LTBP1: variants seen among roughly 807,000 people sequenced by gnomAD.
LTBP1 encodes latent transforming growth factor beta binding protein 1.
LTBP1 carries 129 observed loss-of-function variants against 207.6 expected under a neutral mutation model. The observed-to-expected ratio is 0.62, with a 90% CI of 0.54 to 0.72. LTBP1 has a LOEUF of 0.72. Among genes scored for constraint, LTBP1 ranks in the 30% least tolerant of loss-of-function variants. The pLI, the probability that LTBP1 is intolerant of heterozygous loss-of-function variation, is 0.00. For synonymous variants in LTBP1, 963 were observed against 833.7 expected (o/e 1.16, Z -2.67); for missense variants, 2,281 against 2,217.2 (o/e 1.03, Z -0.58).
rs547518614 is a variant in LTBP1, at chr2:32,987,531, TTTCCCTGC to T, written c.566-33377_566-33370del. 4.7e-4 allele frequency among the ~76,000 whole-genome samples: 71 copies of T among 152,258 alleles called. No individual in the cohort carries two copies. In the East Asian group the frequency reaches 0.013, roughly 27 times the overall value. ...GGAGGTAGAAGTAGCTCTGGAGCCA[TTTCCCTGC>T]CACCCACTTTGTGATCTTGGGCAAT... is the stretch of plus-strand genomic sequence containing the variant. On this transcript the variant is annotated intron_variant, in intron 2 of 33. Transcript: ENST00000404816.
At chr2:33,330,859 T>A (rs2094485525) in intron 24 of LTBP1, among the ~76,000 whole-genome samples, 1 of 151,464 alleles carries the variant, frequency 6.6e-6, no homozygotes, top group Non-Finnish European at 1.5e-5. Context: ...GGTAAAGTCA[T>A]TTGTGCCTGG....
chr2:33,174,406 A>G (rs553159277), intron 5 of LTBP1, among the ~76,000 whole-genome samples: 18 of 152,336 alleles, frequency 1.2e-4, no homozygotes, highest in African/African-American at 3.8e-4. Flanking sequence ...CCCATTCACA[A>G]TTGCTTCCAA....
intron 11 of LTBP1, among the ~76,000 whole-genome samples, chr2:33,253,920 C>T (rs1018200181): frequency 9.9e-5 from 12 of 121,248 alleles, no homozygotes; most frequent in South Asian, 5.6e-4. Flanking sequence ...GATGGAGTCT[C>T]GCTTTGTTGC....
chr2:33,188,633 G>T lies in LTBP1; in HGVS notation c.1483G>T (p.Val495Phe). 1 of 1,613,856 alleles carries T rather than the reference G, an allele frequency of 6.2e-7. No homozygotes were observed. The highest frequency in any genetic ancestry group is 8.5e-7 in the Non-Finnish European group (1 of 1,179,990). The change falls in exon 7 of 34, where the codon GTC (valine) becomes TTC (phenylalanine). Residue 495 changes from valine (V) to phenylalanine (F), a missense_variant. By Grantham distance (50) the Val-to-Phe change is conservative. This residue lies in a region of LTBP1 where 1,671 missense variants were observed against 1,634.8 expected (regional missense o/e 1.02). Coordinates refer to ENST00000404816, the MANE Select transcript of LTBP1 (RefSeq NM_206943.4). Reference sequence around the variant, plus strand: ...TGTGAAACATCCTCCTGAAGCTTCCGTCCAGATACATCAGGTTTCAAGAAT... The same window carrying T: ...TGTGAAACATCCTCCTGAAGCTTCCTTCCAGATACATCAGGTTTCAAGAAT... ...IHVKHPPEAS[V>F]QIHQVSRIDG...
At chr2:32,964,787 A>G (rs1255256317) in intron 2 of LTBP1, among the ~76,000 whole-genome samples, 2 of 152,210 alleles carry the variant, frequency 1.3e-5, no homozygotes, top group Admixed American at 1.3e-4. Flanking sequence ...CAATACTTAA[A>G]AAACTAGCAC....
intron 13 of LTBP1, among the ~76,000 whole-genome samples, chr2:33,261,950 T>G (rs1210382487): frequency 1.3e-5 from 2 of 152,200 alleles, no homozygotes; most frequent in Non-Finnish European, 2.9e-5. Flanking sequence ...TGTAGTGATA[T>G]GAGCTCCCTG....
intron 10 of LTBP1, among the ~76,000 whole-genome samples, chr2:33,246,479 GCACACA>G (rs145652084): frequency 4.8e-5 from 7 of 147,214 alleles, no homozygotes; most frequent in African/African-American, 1.8e-4. Context: ...ACACGCACAC[GCACACA>G]CACACACACA....
At chr2:33,116,806 A>G (rs1469668566) in intron 4 of LTBP1, among the ~76,000 whole-genome samples, 4 of 152,142 alleles carry the variant, frequency 2.6e-5, no homozygotes, top group African/African-American at 9.7e-5. Context: ...AAGGAAAGGA[A>G]AAGTGAGGTC....
chr2:33,044,856 A>T (rs1354790787), intron 3 of LTBP1, among the ~76,000 whole-genome samples: 1 of 152,104 alleles, frequency 6.6e-6, no homozygotes, highest in Non-Finnish European at 1.5e-5. Flanking sequence ...CATTTCTCTA[A>T]TGGCCAGTGA....
intron 3 of LTBP1, among the ~76,000 whole-genome samples, chr2:33,070,089 C>T (rs2077714842): frequency 6.6e-6 from 1 of 152,234 alleles, no homozygotes; most frequent in South Asian, 2.1e-4. Context: ...CACATTCTCT[C>T]TGCCGGAAAC....
At chr2:33,017,081 C>G (rs1688485406) in intron 2 of LTBP1, among the ~76,000 whole-genome samples, 1 of 152,036 alleles carries the variant, frequency 6.6e-6, no homozygotes, top group African/African-American at 2.4e-5. Context: ...CCACATAGTC[C>G]AACACCTTAG....
intron 17 of LTBP1, among the ~76,000 whole-genome samples, chr2:33,275,391 A>C (rs2093404165): frequency 6.6e-6 from 1 of 152,212 alleles, no homozygotes; most frequent in African/African-American, 2.4e-5. Context: ...GGGAAAGTAG[A>C]AATCAGTTAC....
chr2:33,002,578 T>G (rs1188651286), intron 2 of LTBP1, among the ~76,000 whole-genome samples: 1 of 152,128 alleles, frequency 6.6e-6, no homozygotes, highest in Admixed American at 6.5e-5. Context: ...CTGAAGGAAG[T>G]AGCAGACAAT....
chr2:32,964,076 C>T (rs998804593), intron 2 of LTBP1, among the ~76,000 whole-genome samples: 2 of 152,148 alleles, frequency 1.3e-5, no homozygotes, highest in Non-Finnish European at 2.9e-5. Context: ...ATTGTGCTTC[C>T]TCGCGTCAAG....
At position 33,125,474 on chromosome 2, in the gene LTBP1, G is replaced by C. The variant is rs556836703; in HGVS notation, c.1034-9319G>C. Among the ~76,000 whole-genome samples, 5 of 152,238 alleles carry C rather than the reference G, an allele frequency of 3.3e-5. No individual in the cohort carries two copies. The South Asian group carries it at 1.0e-3, about 32-fold the overall frequency. ...TCAGAATTTGGGCCAAAAAAAAGCA[G>C]AAGGGAAGAAGAACATGTTATGTGT... On this transcript the variant is annotated intron_variant, in intron 4 of 33. Coordinates refer to ENST00000404816, the MANE Select transcript of LTBP1 (RefSeq NM_206943.4).
chr2:33,193,272 G>C (rs1047276666), intron 7 of LTBP1, among the ~76,000 whole-genome samples: 1 of 152,164 alleles, frequency 6.6e-6, no homozygotes, highest in East Asian at 1.9e-4. Flanking sequence ...CTCCCGAGTG[G>C]CTGGAATTAC....
chr2:33,127,492 T>A (rs2081503546), intron 4 of LTBP1, among the ~76,000 whole-genome samples: 1 of 152,166 alleles, frequency 6.6e-6, no homozygotes. Context: ...ATTCTCAGCC[T>A]CAGTTCATAC....
Position 33,394,955 on chromosome 2 carries a change from T to C in LTBP1, c.4835-2178T>C, listed in dbSNP as rs114055411. ...TGTTCCTGCGTTAGTTTGCTAAGGA[T>C]GATAGGCCTCCAGCTCCATCCATGT... On this transcript the variant is annotated intron_variant, in intron 32 of 33. Transcript: ENST00000404816. Among the ~76,000 whole-genome samples, 711 of 152,350 alleles carry C rather than the reference T, an allele frequency of 4.7e-3. 8 individuals carry two copies. Among genetic ancestry groups the C allele is most frequent in the African/African-American group, 0.016 (686 of 41,578 alleles).
intron 5 of LTBP1, among the ~76,000 whole-genome samples, chr2:33,153,597 G>A (rs1558716590): frequency 6.6e-6 from 1 of 152,218 alleles, no homozygotes; most frequent in Admixed American, 6.5e-5. Flanking sequence ...TTGCCTCACT[G>A]TGGGGAAAAA....
Sources: allele counts gnomAD v4.1 joint callset (sites outside exome capture counted in the v4.1 genomes callset), GRCh38; gene constraint gnomAD v4.1.1; regional missense constraint gnomAD v4.1.1; transcripts MANE v1.5; gene names NCBI Gene and HGNC (gene_info 2026-07-23, HGNC 2026-07-21).